Variants in MTMR4 observed in about 807,000 individuals in gnomAD.
MTMR4 encodes the protein myotubularin related protein 4, also known as phosphatidylinositol-3,5-bisphosphate 3-phosphatase MTMR4.
A neutral mutation model predicts 125.5 loss-of-function variants in MTMR4; 30 were observed. The ratio of observed to expected loss-of-function variants is 0.24; its 90% CI spans 0.18 to 0.32. The LOEUF (loss-of-function observed/expected upper bound fraction) is 0.32. MTMR4 is among the 10% of genes least tolerant of loss of function. The probability of loss-of-function intolerance (pLI) is 1.00; values close to 1 mark genes in which losing one functional copy is unlikely to be tolerated. For missense variants in MTMR4, 1,039 were observed against 1,511.5 expected, an observed-to-expected ratio of 0.69 and a Z score of 5.18; for synonymous variants, 498 against 564.5, an observed-to-expected ratio of 0.88 and a Z score of 1.67.
rs1567936045 is a variant in MTMR4 at position 58,508,582 on chromosome 17, CG to C, written c.497-19del. The C allele has an allele frequency of 6.2e-7, 1 of 1,614,182 alleles. No homozygotes were observed. The highest frequency in any genetic ancestry group is 8.5e-7 in the Non-Finnish European group (1 of 1,180,032). On this transcript the variant is annotated intron_variant, in intron 5 of 17. Coordinates refer to ENST00000682306, the MANE Select transcript of MTMR4 (RefSeq NM_001378067.1). This position sits in a 1 kb window ranked among gnomAD's most constrained non-coding sequence, Gnocchi z 4.8. ...GTGCTCACCTGCAACAGAGCCCCCA[CG>C]ATGGTTAGCTTCCCAGAGCACCAAT...
chr17:58,513,818 G>T (rs1976004035), intron 1 of MTMR4, among the ~76,000 whole-genome samples: 1 of 152,072 alleles, frequency 6.6e-6, no homozygotes, highest in South Asian at 2.1e-4. Context: ...GACCGGGAAT[G>T]ATGCAGAGGT....
In MTMR4 at chr17:58,495,239, G is replaced by A; in HGVS notation, c.2945C>T (p.Ser982Phe). Reference protein sequence around the residue: ...GVKSPVCSSHSNGHCTGPGGK... With the variant: ...GVKSPVCSSHFNGHCTGPGGK... Reference sequence around the variant, plus strand: ...TCCTGGGCCAGTACAATGTCCATTGGAATGACTAGAACAGACAGGTGACTT... The same window carrying A: ...TCCTGGGCCAGTACAATGTCCATTGAAATGACTAGAACAGACAGGTGACTT... Residue 982 changes from serine to phenylalanine, a missense_variant, in exon 15 of 18, where the codon TCC (serine) becomes TTC (phenylalanine). Ser to Phe is a radical substitution (Grantham distance 155). Coordinates refer to ENST00000682306, the MANE Select transcript of MTMR4 (RefSeq NM_001378067.1). 1 of 1,614,200 alleles carries A rather than the reference G, an allele frequency of 6.2e-7. No individual in the cohort carries two copies.
At chr17:58,518,230 G>C (rs1240142968), upstream of MTMR4, among the ~76,000 whole-genome samples, 1 of 152,222 alleles carries the variant, frequency 6.6e-6, no homozygotes, top group Non-Finnish European at 1.5e-5. Flanking sequence ...GAGGCGGCTC[G>C]TCGCCTACTG....
At position 58,491,599 on chromosome 17, in the gene MTMR4, A is replaced by T; in HGVS notation, c.*64T>A. ...ATGAGCCACACCAAGGAACCTTCCA[A>T]ACTACAACTGAAGAAGATCCTCCCT... On this transcript the variant is annotated 3_prime_UTR_variant, in exon 18 of 18. Transcript: ENST00000682306. 6.6e-7 allele frequency: 1 copy of T among 1,523,846 alleles called. No homozygotes were observed. The highest frequency in any genetic ancestry group is 9.0e-7 in the Non-Finnish European group (1 of 1,115,580). 94.4% of individuals were successfully genotyped at this position (1,523,846 alleles called of 1,614,324 possible). A position where few individuals can be genotyped will look rare whatever the true frequency, so the allele number is the denominator to read the frequency against.
Position 58,501,716 on chromosome 17 carries a change from C to T in MTMR4, c.1853+2028G>A, listed in dbSNP as rs927811236. Among the ~76,000 whole-genome samples, 4 of 151,544 alleles carry T rather than the reference C, an allele frequency of 2.6e-5. No homozygotes were observed. The East Asian group carries it at 5.8e-4, about 22-fold the overall frequency. On this transcript the variant is annotated intron_variant, in intron 14 of 17. Transcript: ENST00000682306. ...TATATGTATATATATCCTTTGAGCA[C>T]AGTATTTTCATTCAAAAATACTAGC... is the stretch of plus-strand genomic sequence containing the variant.
upstream of MTMR4, chr17:58,516,602 T>C (rs1387985065): frequency 1.2e-6 from 2 of 1,614,152 alleles, no homozygotes; most frequent in Non-Finnish European, 1.7e-6. Context: ...GCAAGGGTAC[T>C]GGCTGCCTGC....
chr17:58,509,187 C>T (rs1268934279), intron 4 of MTMR4, among the ~76,000 whole-genome samples: 1 of 151,970 alleles, frequency 6.6e-6, no homozygotes, highest in African/African-American at 2.4e-5. Context: ...TCTCCCATGA[C>T]TCCCTAACTC....
rs771320351 is a variant in MTMR4, at chr17:58,508,984, G to A, written c.336-143C>T. 1 of 804,114 alleles carries A rather than the reference G, an allele frequency of 1.2e-6. No individual in the cohort carries two copies. The highest frequency in any genetic ancestry group is 1.9e-6 in the Non-Finnish European group (1 of 517,360). The allele number at this position is 804,114 out of a possible 1,614,324, so 49.8% of individuals were successfully genotyped here. A position where few individuals can be genotyped will look rare whatever the true frequency, so the allele number is the denominator to read the frequency against. On this transcript the variant is annotated intron_variant, in intron 4 of 17. Coordinates refer to ENST00000682306, the MANE Select transcript of MTMR4 (RefSeq NM_001378067.1). This position sits in a 1 kb window ranked among gnomAD's most constrained non-coding sequence, Gnocchi z 4.8. ...GGTAAAGCAGTGGGGACCCAGGGTG[G>A]GGGGACGAGGGACACTGGCCAACAC...
Position 58,504,618 on chromosome 17 carries a change from C to A in MTMR4, c.1342-130G>T. On this transcript the variant is annotated intron_variant, in intron 11 of 17. Coordinates refer to ENST00000682306, the MANE Select transcript of MTMR4 (RefSeq NM_001378067.1). The surrounding 1 kb of genome is among the most constrained non-coding windows in gnomAD (Gnocchi z 7.1). ...ATAGGACTGGACCTAGAAGAGGACTCAAAGCCACCAATTTTCCAAGCCTTT... is the reference window on the plus strand; with the variant it reads ...ATAGGACTGGACCTAGAAGAGGACTAAAAGCCACCAATTTTCCAAGCCTTT... 1.5e-6 allele frequency: 2 copies of A among 1,343,322 alleles called. No homozygotes were observed. Among genetic ancestry groups the A allele is most frequent in the South Asian group, 1.5e-5 (1 of 67,588 alleles). The allele number at this position is 1,343,322 out of a possible 1,614,324, so 83.2% of individuals were successfully genotyped here.
upstream of MTMR4, among the ~76,000 whole-genome samples, chr17:58,515,385 C>A (rs1334681584): frequency 6.6e-6 from 1 of 152,148 alleles, no homozygotes. Flanking sequence ...GTGGCTGGAA[C>A]CCCAAACTTC....
chr17:58,512,277 C>A lies in MTMR4; in HGVS notation c.252+113G>T. 1 of 914,610 alleles carries A rather than the reference C, an allele frequency of 1.1e-6. No individual in the cohort carries two copies. Among genetic ancestry groups the A allele is most frequent in the Non-Finnish European group, 1.8e-6 (1 of 568,558 alleles). 56.7% of individuals were successfully genotyped at this position (914,610 alleles called of 1,614,324 possible). On this transcript the variant is annotated intron_variant, in intron 3 of 17. Transcript: ENST00000682306. This position sits in a 1 kb window ranked among gnomAD's most constrained non-coding sequence, Gnocchi z 4.1. ...CTGGGATTACAGGCGTGAGCCACTG[C>A]GCCCGGCCTCCAACTTTTTTAATGA...
rs1199562302 is a variant in MTMR4 at position 58,504,103 on chromosome 17, G to C, written c.1645C>G (p.Arg549Gly). ...KRTCSVWALL[R>G]AGNKNFHNFL... Reference sequence around the variant, plus strand: ...TTATGAAAGTTTTTATTGCCAGCTCGAAGGAGCGCCCACACAGAGCAGGTC... The same window carrying C: ...TTATGAAAGTTTTTATTGCCAGCTCCAAGGAGCGCCCACACAGAGCAGGTC... The change falls in exon 13 of 18, where the codon CGA becomes GGA. Residue 549 changes from arginine to glycine, a missense_variant. By Grantham distance (125) the Arg-to-Gly change is moderately radical. This residue lies in a region of MTMR4 where 619 missense variants were observed against 714.5 expected (regional missense o/e 0.87). Transcript: ENST00000682306. This position sits in a 1 kb window ranked among gnomAD's most constrained non-coding sequence, Gnocchi z 7.1. 3.8e-6 allele frequency: 6 copies of C among 1,594,790 alleles called. No individual in the cohort carries two copies. The highest frequency in any genetic ancestry group is 5.1e-6 in the Non-Finnish European group (6 of 1,172,230).
chr17:58,501,216 A>G (rs1975617541), intron 14 of MTMR4, among the ~76,000 whole-genome samples: 1 of 152,194 alleles, frequency 6.6e-6, no homozygotes, highest in African/African-American at 2.4e-5. Context: ...TTAACTTTAA[A>G]AACTTTCAGC....
intron 14 of MTMR4, 49 bp downstream of exon 14, chr17:58,503,695 T>C: frequency 6.4e-7 from 1 of 1,556,998 alleles, no homozygotes; most frequent in Non-Finnish European, 8.7e-7. Flanking sequence ...GGGAAACAGT[T>C]ACTGCCTTCC....
intron 14 of MTMR4, among the ~76,000 whole-genome samples, chr17:58,497,876 C>T (rs1039647342): frequency 5.3e-5 from 8 of 152,178 alleles, no homozygotes; most frequent in Non-Finnish European, 1.0e-4. Context: ...CTTTTAAGTG[C>T]CACAGCTGAC....
rs149852502 is a variant in MTMR4 at position 58,507,295 on chromosome 17, G to A, written c.732C>T (p.Ile244=). ...VYRHLRNGAA[I]ARCSQPEISW... is the part of the protein sequence containing the mutation. The stretch of plus-strand genomic sequence containing the variant: ...TGATCTCTGGCTGGCTGCAGCGGGC[G>A]ATGGCAGCCCCATTGCGCAAGTGTC... Residue 244 remains isoleucine, a synonymous_variant, in exon 8 of 18, where the codon ATC becomes ATT. Coordinates refer to ENST00000682306, the MANE Select transcript of MTMR4 (RefSeq NM_001378067.1). 1.0e-4 allele frequency: 163 copies of A among 1,613,678 alleles called. No homozygotes were observed. Among genetic ancestry groups the A allele is most frequent in the African/African-American group, 6.5e-4 (49 of 75,036 alleles).
chr17:58,512,927 G>T lies in MTMR4; in HGVS notation c.60C>A (p.Pro20=), dbSNP rs760959680. ...SMLSCFGEEG[P]PSLEYIQAKD... is the part of the protein sequence containing the mutation. ...TGGCTTGGATGTACTCCAGGCTGGG[G>T]GGCCCCTCCTCACCCTGTAGGAAGG... The change falls in exon 2 of 18, where the codon CCC becomes CCA. Residue 20 remains proline, a synonymous_variant. Transcript: ENST00000682306. This position sits in a 1 kb window ranked among gnomAD's most constrained non-coding sequence, Gnocchi z 4.1. The T allele has an allele frequency of 9.9e-6, 16 of 1,610,636 alleles. No individual in the cohort carries two copies. Among genetic ancestry groups the T allele is most frequent in the Middle Eastern group, 1.7e-4 (1 of 6,060 alleles).
chr17:58,516,581 AT>A, upstream of MTMR4: 1 of 1,614,212 alleles, frequency 6.2e-7, no homozygotes, highest in African/African-American at 1.3e-5. Flanking sequence ...GGTACTCACC[AT>A]TCTACCGTGG....
chr17:58,499,542 C>T (rs1401127936), intron 14 of MTMR4, among the ~76,000 whole-genome samples: 1 of 152,080 alleles, frequency 6.6e-6, no homozygotes, highest in African/African-American at 2.4e-5. Context: ...AAAACCCTAC[C>T]TCTCATGTAT....
Sources: gnomAD v4.1 joint callset for allele counts (sites outside exome capture counted in the v4.1 genomes callset) on GRCh38, gnomAD v4.1.1 for gene constraint, gnomAD v4.1.1 regional missense constraint, Gnocchi (gnomAD v3.1) non-coding constraint, MANE v1.5 for transcripts, NCBI Gene and HGNC (gene_info 2026-07-23, HGNC 2026-07-21) for gene names.